METTL15: variants seen among roughly 807,000 people sequenced by gnomAD.
METTL15 encodes methyltransferase 15, mitochondrial 12S rRNA N4-cytidine, also known as 12S rRNA N(4)-cytidine methyltransferase METTL15.
In METTL15, 34 loss-of-function variants were observed where a neutral mutation model predicts 38.3. The observed-to-expected ratio is 0.89, with a 90% confidence interval of 0.68 to 1.18. The LOEUF is 1.18. Ranked by LOEUF, METTL15 falls within the 50% of genes most tolerant of loss-of-function variation. METTL15 has a pLI of 0.00. For synonymous variants in METTL15, 162 were observed against 170.9 expected (o/e 0.95, Z 0.41); for missense variants, 438 against 498.4 (o/e 0.88, Z 1.15).
At chr11:28,363,901 C>G (rs888498905) in intron 5 of METTL15, among the ~76,000 whole-genome samples, 1 of 152,220 alleles carries the variant, frequency 6.6e-6, no homozygotes, top group African/African-American at 2.4e-5. Context: ...CTGCATATGT[C>G]TAGCCAGTTA....
chr11:28,244,260 G>C (rs1268449550), intron 4 of METTL15, among the ~76,000 whole-genome samples: 1 of 152,136 alleles, frequency 6.6e-6, no homozygotes, highest in Non-Finnish European at 1.5e-5. Flanking sequence ...GTGTATGCAA[G>C]AGTATCCATT....
At chr11:28,400,717 A>G (rs1465641108) in intron 5 of METTL15, among the ~76,000 whole-genome samples, 1 of 151,904 alleles carries the variant, frequency 6.6e-6, no homozygotes, top group African/African-American at 2.4e-5. Flanking sequence ...TCAAAGTTTC[A>G]TCCACTACTG....
intron 6 of METTL15, among the ~76,000 whole-genome samples, chr11:28,325,978 AAC>A (rs2134055553): frequency 6.6e-6 from 1 of 152,356 alleles, no homozygotes; most frequent in African/African-American, 2.4e-5. Flanking sequence ...GATGGACTAT[AAC>A]ACACAAAAAG....
chr11:28,334,753 A>G (rs999202072), downstream of METTL15, among the ~76,000 whole-genome samples: 1 of 152,164 alleles, frequency 6.6e-6, no homozygotes, highest in African/African-American at 2.4e-5. Context: ...GCTAAGAGAA[A>G]GTTTACATAT....
chr11:28,145,280 C>T (rs1398180493), intron 3 of METTL15: 1 of 152,038 alleles, frequency 6.6e-6, no homozygotes, highest in African/African-American at 2.4e-5. Context: ...ATCTTTATTG[C>T]TACCTTCATC....
intron 5 of METTL15, among the ~76,000 whole-genome samples, chr11:28,378,773 T>C (rs1850350346): frequency 6.6e-6 from 1 of 151,424 alleles, no homozygotes; most frequent in Non-Finnish European, 1.5e-5. Context: ...TTTTTTTTTT[T>C]TTTTTTGAAG....
chr11:28,251,093 T>A (rs575677858), intron 4 of METTL15, among the ~76,000 whole-genome samples: 2 of 152,160 alleles, frequency 1.3e-5, no homozygotes, highest in South Asian at 2.1e-4. Flanking sequence ...CTTTCTAACC[T>A]CCCATTTGTT....
At chr11:28,164,482 A>AGAAAG (rs1850585775) in intron 3 of METTL15, among the ~76,000 whole-genome samples, 1 of 152,052 alleles carries the variant, frequency 6.6e-6, no homozygotes, top group Admixed American at 6.6e-5. Flanking sequence ...TTAGCCATAC[A>AGAAAG]TGATTTTCTT....
chr11:28,182,585 T>C (rs891610233), intron 3 of METTL15, among the ~76,000 whole-genome samples: 7 of 152,144 alleles, frequency 4.6e-5, no homozygotes, highest in African/African-American at 1.7e-4. Context: ...GTGTTATTTC[T>C]GAGGGCTCTG....
At chr11:28,485,832 CAG>C (rs1490262193) in intron 6 of METTL15, among the ~76,000 whole-genome samples, 2 of 152,084 alleles carry the variant, frequency 1.3e-5, no homozygotes, top group East Asian at 1.9e-4. Context: ...ATTCAGTTCC[CAG>C]AGAGGGCTCT....
At chr11:28,303,995 G>A (rs552213407) in intron 6 of METTL15, among the ~76,000 whole-genome samples, 7 of 152,176 alleles carry the variant, frequency 4.6e-5, no homozygotes, top group African/African-American at 1.7e-4. Flanking sequence ...TGGAAAATAG[G>A]AATAACAAAT....
chr11:28,507,925 A>G (rs1339768871), intron 6 of METTL15, among the ~76,000 whole-genome samples: 1 of 152,132 alleles, frequency 6.6e-6, no homozygotes, highest in African/African-American at 2.4e-5. Flanking sequence ...TGATATTTTT[A>G]AATGTAAATC....
intron 6 of METTL15, among the ~76,000 whole-genome samples, chr11:28,516,067 G>T (rs1458354558): frequency 6.6e-6 from 1 of 152,154 alleles, no homozygotes; most frequent in Non-Finnish European, 1.5e-5. Flanking sequence ...TGAACATGTT[G>T]GGTTATTACA....
chr11:28,377,488 G>A (rs895685925), intron 5 of METTL15, among the ~76,000 whole-genome samples: 7 of 151,946 alleles, frequency 4.6e-5, no homozygotes, highest in Non-Finnish European at 7.4e-5. Context: ...CGTAGTTCTC[G>A]AGCCTTGGTT....
chr11:28,252,565 T>C (rs993967578), intron 4 of METTL15, among the ~76,000 whole-genome samples: 1 of 152,194 alleles, frequency 6.6e-6, no homozygotes, highest in Non-Finnish European at 1.5e-5. Flanking sequence ...AGTATCTCTT[T>C]TTTAAAGAAA....
intron 4 of METTL15, among the ~76,000 whole-genome samples, chr11:28,264,491 C>T (rs180772395): frequency 2.2e-4 from 34 of 152,140 alleles, no homozygotes; most frequent in Non-Finnish European, 4.3e-4. Flanking sequence ...AAGAGCCTCA[C>T]TACACTGTCT....
chr11:28,205,860 ATGG>A (rs1406464670), intron 3 of METTL15, among the ~76,000 whole-genome samples: 1 of 149,912 alleles, frequency 6.7e-6, no homozygotes, highest in East Asian at 2.0e-4. Flanking sequence ...ATGGCCAGTG[ATGG>A]TGAGCATTTT....
intron 6 of METTL15, among the ~76,000 whole-genome samples, chr11:28,303,368 A>G (rs892921646): frequency 2.0e-5 from 3 of 152,204 alleles, no homozygotes; most frequent in Non-Finnish European, 4.4e-5. Context: ...GCTTAAACCA[A>G]TGTTGAAATT....
intron 3 of METTL15, among the ~76,000 whole-genome samples, chr11:28,208,548 A>G (rs1852471453): frequency 6.6e-6 from 1 of 151,922 alleles, no homozygotes. Context: ...TCAATTTTGG[A>G]ATAGGTGTGG....
Sources: gnomAD v4.1 joint callset for allele counts (sites outside exome capture counted in the v4.1 genomes callset) on GRCh38, gnomAD v4.1.1 for gene constraint, MANE v1.5 for transcripts, NCBI Gene and HGNC (gene_info 2026-07-23, HGNC 2026-07-21) for gene names.